The following PHEX variants were observed in gnomAD, a reference collection of about 807,000 sequenced individuals.
PHEX encodes phosphate-regulating neutral endopeptidase PHEX.
A neutral mutation model predicts 68.0 loss-of-function variants in PHEX; 16 were observed. The observed-to-expected ratio is 0.24, with a 90% CI of 0.16 to 0.36. The LOEUF (loss-of-function observed/expected upper bound fraction) is 0.36. Ranked by LOEUF, PHEX falls within the 10% of genes least tolerant of loss-of-function variation. PHEX has a pLI of 1.00. For synonymous variants in PHEX, 208 were observed against 205.1 expected, an observed-to-expected ratio of 1.01 and a Z score of -0.12; for missense variants, 480 against 575.5, an observed-to-expected ratio of 0.83 and a Z score of 1.70.
chrX:22,085,317 G>A (rs760656761), intron 5 of PHEX, among the ~76,000 whole-genome samples: 2 of 111,310 alleles, frequency 1.8e-5, no homozygotes, highest in Non-Finnish European at 3.8e-5. Context: ...GCTCATGCCT[G>A]TAATCCCAGC....
chrX:22,176,402 A>AATATATATAT, intron 13 of PHEX, among the ~76,000 whole-genome samples: 1 of 57,842 alleles, frequency 1.7e-5, no homozygotes, highest in Admixed American at 2.0e-4. Flanking sequence ...AAAAAAAAAA[A>AATATATATAT]ATATATATAT....
chrX:22,179,735 A>G (rs1351470656), intron 14 of PHEX, among the ~76,000 whole-genome samples: 1 of 111,463 alleles, frequency 9.0e-6, no homozygotes, highest in Non-Finnish European at 1.9e-5. Context: ...TTCTTTGTTA[A>G]GTCATTGTCA....
In PHEX at chrX:22,178,427, G is replaced by A. The variant is rs149933100; in HGVS notation, c.1586+51G>A. Reference sequence around the variant, plus strand: ...ATAGATAAATACATTGGTGAGAAGCGGAGTCTCTTTAGATTAAACTTTGTA... The same window carrying A: ...ATAGATAAATACATTGGTGAGAAGCAGAGTCTCTTTAGATTAAACTTTGTA... On this transcript the variant is annotated intron_variant, in intron 14 of 21. Transcript: ENST00000379374. 640 of 768,179 alleles carry A rather than the reference G, an allele frequency of 8.3e-4. 6 individuals are homozygous for A. The African/African-American group carries it at 0.011, about 13-fold the overall frequency. The allele number at this position is 768,179 out of a possible 1,213,427, so 63.3% of individuals were successfully genotyped here.
intron 11 of PHEX, among the ~76,000 whole-genome samples, chrX:22,118,828 C>G (rs1931358966): frequency 8.9e-6 from 1 of 112,043 alleles, no homozygotes; most frequent in Admixed American, 9.5e-5. Flanking sequence ...CCAACGTTCT[C>G]ATACTCATTC....
Position 22,099,103 on chromosome X carries a change from C to T in PHEX, c.1031C>T (p.Pro344Leu), listed in dbSNP as rs866640200. The T allele has an allele frequency of 8.3e-6, 10 of 1,207,258 alleles. No homozygotes were observed. The highest frequency in any genetic ancestry group is 3.5e-5 in the African/African-American group (2 of 56,942). The change falls in exon 9 of 22, where the codon CCG (proline) becomes CTG (leucine). Residue 344 changes from proline (P) to leucine (L), a missense_variant. Transcript: ENST00000379374. ...TCCGAGAATGTGGTGGTCCGCGTCC[C>T]GCAGTACTTTAAAGATTTGTTTAGG... ...SPSENVVVRV[P>L]QYFKDLFRIL...
chrX:22,217,539 C>T lies in PHEX; in HGVS notation c.1701-1497C>T, dbSNP rs151307800. 5.8e-3 allele frequency among the ~76,000 whole-genome samples: 647 copies of T among 111,867 alleles called. 7 individuals carry two copies. Among genetic ancestry groups the T allele is most frequent in the African/African-American group, 0.02 (604 of 30,807 alleles). ...CATTCCTTCCAGTTATGGGTCCTAT[C>T]TATTTGCTGGGTGACTTTGATGTTG... On this transcript the variant is annotated intron_variant, in intron 16 of 21. Transcript: ENST00000379374.
intron 6 of PHEX, among the ~76,000 whole-genome samples, chrX:22,092,749 C>CTTTTTTTTTTTTTTTTTTTTTTTT (rs370527485): frequency 1.0e-4 from 8 of 77,951 alleles, no homozygotes; most frequent in Admixed American, 1.5e-4. Context: ...TTCTTTCTTT[C>CTTTTTTTTTTTTTTTTTTTTTTTT]TTTTTTTTTT....
chrX:22,241,069 A>C (rs58027592), intron 20 of PHEX, among the ~76,000 whole-genome samples: 1,514 of 108,562 alleles, frequency 0.014, 18 homozygotes, highest in African/African-American at 0.046. Flanking sequence ...AAATCATAAC[A>C]AACAGTCTCT....
chrX:22,054,908 T>C (rs1928006157), intron 3 of PHEX, among the ~76,000 whole-genome samples: 1 of 109,745 alleles, frequency 9.1e-6, no homozygotes, highest in South Asian at 3.9e-4. Flanking sequence ...GCGTGGTGAC[T>C]CACACCTGTA....
At chrX:22,125,905 G>A (rs1931697854) in intron 11 of PHEX, among the ~76,000 whole-genome samples, 1 of 111,181 alleles carries the variant, frequency 9.0e-6, no homozygotes, top group Non-Finnish European at 1.9e-5. Flanking sequence ...CTATGAGTGA[G>A]TTTGTTAATA....
intron 18 of PHEX, among the ~76,000 whole-genome samples, chrX:22,223,315 TTTG>T (rs1181155129): frequency 9.0e-6 from 1 of 111,581 alleles, no homozygotes; most frequent in East Asian, 2.8e-4. Flanking sequence ...TGAGTCTTTT[TTTG>T]TTGTTGTTCC....
intron 15 of PHEX, among the ~76,000 whole-genome samples, chrX:22,195,974 C>T (rs987279948): frequency 5.4e-5 from 6 of 110,901 alleles, no homozygotes; most frequent in African/African-American, 2.0e-4. Context: ...CCCAGGAGTT[C>T]GAGACTAGCC....
intron 15 of PHEX, among the ~76,000 whole-genome samples, chrX:22,208,122 G>C (rs1330432883): frequency 1.1e-5 from 1 of 89,782 alleles, no homozygotes; most frequent in African/African-American, 4.4e-5. Flanking sequence ...TATTATCTTT[G>C]GATAATCAAA....
At chrX:22,130,205 C>T (rs781757413) in intron 11 of PHEX, among the ~76,000 whole-genome samples, 2 of 111,587 alleles carry the variant, frequency 1.8e-5, no homozygotes, top group East Asian at 2.8e-4. Flanking sequence ...TCTCTGTGAA[C>T]GTGATGGGCC....
chrX:22,153,093 G>C (rs990179242), intron 12 of PHEX, among the ~76,000 whole-genome samples: 12 of 109,867 alleles, frequency 1.1e-4, no homozygotes, highest in Non-Finnish European at 1.9e-4. Context: ...CTGGGCTCAA[G>C]AGATAGTCCT....
chrX:22,178,133 T>C, intron 13 of PHEX, 140 bp from the exon 14 acceptor site: 2 of 399,781 alleles, frequency 5.0e-6, no homozygotes, highest in Non-Finnish European at 9.2e-6. Context: ...TTGTGACTTC[T>C]GGGTCAACTG....
chrX:22,108,960 T>A (rs1930830982), intron 9 of PHEX, among the ~76,000 whole-genome samples: 1 of 93,110 alleles, frequency 1.1e-5, no homozygotes, highest in Non-Finnish European at 2.1e-5. Flanking sequence ...AAAAAAAAAA[T>A]CTTGAGCGGT....
intron 12 of PHEX, among the ~76,000 whole-genome samples, chrX:22,145,906 G>A (rs1459512342): frequency 1.8e-5 from 2 of 112,247 alleles, no homozygotes; most frequent in Non-Finnish European, 3.8e-5. Flanking sequence ...ACAAGTTGGT[G>A]CCCTAAGCAC....
chrX:22,034,611 A>G (rs377007218), intron 1 of PHEX, among the ~76,000 whole-genome samples: 3 of 112,097 alleles, frequency 2.7e-5, no homozygotes, highest in Non-Finnish European at 3.8e-5. Context: ...AGCGTGCCCA[A>G]TAACCTGGCT....
Sources: gnomAD v4.1 joint callset for allele counts (sites outside exome capture counted in the v4.1 genomes callset) on GRCh38, gnomAD v4.1.1 for gene constraint, MANE v1.5 for transcripts, NCBI Gene and HGNC (gene_info 2026-07-23, HGNC 2026-07-21) for gene names.